The following APPBP2 variants were observed in gnomAD, a reference collection of about 807,000 sequenced individuals.
APPBP2 encodes amyloid beta precursor protein binding protein 2.
Under a neutral mutation model 76.0 loss-of-function variants are expected in APPBP2, and 15 were observed. The ratio of observed to expected loss-of-function variants is 0.20; its 90% confidence interval spans 0.13 to 0.30. The LOEUF (loss-of-function observed/expected upper bound fraction) is 0.30, where lower values mean the gene tolerates loss of function less well. APPBP2 is among the 10% of genes least tolerant of loss of function. The pLI is 1.00. For missense variants in APPBP2, 401 were observed against 687.2 expected (o/e 0.58, Z 4.66); for synonymous variants, 222 against 242.2 (o/e 0.92, Z 0.77).
At chr17:60,516,285 T>C (rs1437102057) in intron 1 of APPBP2, among the ~76,000 whole-genome samples, 1 of 152,154 alleles carries the variant, frequency 6.6e-6, no homozygotes, top group Non-Finnish European at 1.5e-5. Context: ...TTAGTTAATG[T>C]GGTTGTCTAA....
intron 1 of APPBP2, among the ~76,000 whole-genome samples, chr17:60,521,614 G>A (rs181992558): frequency 1.3e-3 from 196 of 151,892 alleles, no homozygotes; most frequent in Non-Finnish European, 2.3e-3. Flanking sequence ...ATGGGGTCTC[G>A]CTTTATTGCC....
chr17:60,459,063 G>A (rs981963358), intron 9 of APPBP2, among the ~76,000 whole-genome samples: 6 of 151,632 alleles, frequency 4.0e-5, no homozygotes, highest in African/African-American at 7.3e-5. Context: ...CAGCCACTGC[G>A]CCCAGCCAAA....
chr17:60,479,832 A>C (rs2090616396), intron 3 of APPBP2, among the ~76,000 whole-genome samples: 1 of 152,192 alleles, frequency 6.6e-6, no homozygotes, highest in Non-Finnish European at 1.5e-5. Flanking sequence ...CACCATGTAA[A>C]ACACTTCGTA....
chr17:60,526,239 G>A lies in APPBP2; in HGVS notation c.-308C>T, dbSNP rs1332352897. 1 of 305,398 alleles carries A rather than the reference G, an allele frequency of 3.3e-6. No individual in the cohort carries two copies. The highest frequency in any genetic ancestry group is 6.3e-6 in the Non-Finnish European group (1 of 159,838). 18.9% of individuals were successfully genotyped at this position (305,398 alleles called of 1,614,324 possible). A position where few individuals can be genotyped will look rare whatever the true frequency, so the allele number is the denominator to read the frequency against. ...GATCTCTGCAGGGGCGGGGCTGCGT[G>A]TGCGGCGTCATGACGTAAGCGCACG... On this transcript the variant is annotated 5_prime_UTR_variant, in exon 1 of 13. Transcript: ENST00000083182.
intron 9 of APPBP2, among the ~76,000 whole-genome samples, chr17:60,457,173 C>T (rs1002842702): frequency 1.8e-4 from 27 of 151,556 alleles, no homozygotes; most frequent in Non-Finnish European, 2.7e-4. Context: ...ACTCAGCCTA[C>T]TTTACTCTTC....
At chr17:60,494,646 A>T in intron 2 of APPBP2, 29 bp from the exon 3 acceptor site, 1 of 1,545,676 alleles carries the variant, frequency 6.5e-7, no homozygotes, top group Non-Finnish European at 8.7e-7. Flanking sequence ...ATTATTTTAT[A>T]GAGTTAATTT....
chr17:60,495,168 A>G (rs2090764209), intron 2 of APPBP2, among the ~76,000 whole-genome samples: 1 of 151,382 alleles, frequency 6.6e-6, no homozygotes, highest in African/African-American at 2.4e-5. Context: ...TTGTATTTTT[A>G]GTAGAGACAG....
At chr17:60,460,877 T>C (rs1186697053) in intron 8 of APPBP2, 90 bp from the exon 9 acceptor site, 3 of 1,278,784 alleles carry the variant, frequency 2.3e-6, no homozygotes, top group Non-Finnish European at 2.1e-6. Context: ...TATATCTATA[T>C]GCCTAACACC....
chr17:60,502,209 G>T (rs8082064), intron 1 of APPBP2, among the ~76,000 whole-genome samples: 12,516 of 152,174 alleles, frequency 0.082, 1,706 homozygotes, highest in African/African-American at 0.28. Context: ...TTACAGGCGT[G>T]AGCCACTGCG....
chr17:60,504,430 G>T (rs2090850226), intron 1 of APPBP2, among the ~76,000 whole-genome samples: 1 of 151,950 alleles, frequency 6.6e-6, no homozygotes, highest in African/African-American at 2.4e-5. Context: ...ACTGAGGAAA[G>T]AAAAAAATTA....
At chr17:60,524,348 C>T (rs1040583710) in intron 1 of APPBP2, among the ~76,000 whole-genome samples, 1 of 152,082 alleles carries the variant, frequency 6.6e-6, no homozygotes, top group Non-Finnish European at 1.5e-5. Context: ...GTTTCCCAGG[C>T]TGAGAAAGAC....
chr17:60,469,874 T>C (rs929379721), intron 4 of APPBP2, among the ~76,000 whole-genome samples: 2 of 152,246 alleles, frequency 1.3e-5, no homozygotes, highest in Non-Finnish European at 2.9e-5. Context: ...TTGCTTTCAA[T>C]GCTTTTAGGC....
At chr17:60,462,346 T>G (rs547525237) in intron 6 of APPBP2, 6 of 285,516 alleles carry the variant, frequency 2.1e-5, no homozygotes, top group African/African-American at 1.1e-4. Context: ...ATACCCCCAT[T>G]TTCCGCTATT....
chr17:60,469,967 AGCT>A (rs2090540075), intron 4 of APPBP2, among the ~76,000 whole-genome samples: 1 of 152,038 alleles, frequency 6.6e-6, no homozygotes, highest in Admixed American at 6.6e-5. Context: ...ACTCCACAGC[AGCT>A]GCACCATTTT....
intron 5 of APPBP2, chr17:60,464,800 C>T (rs373791003): frequency 6.6e-6 from 1 of 152,198 alleles, no homozygotes; most frequent in Non-Finnish European, 1.5e-5. Context: ...GTAATCCCAG[C>T]ACTTTGGGAG....
chr17:60,500,965 T>G (rs992687778), intron 1 of APPBP2, among the ~76,000 whole-genome samples: 2 of 152,180 alleles, frequency 1.3e-5, no homozygotes, highest in Non-Finnish European at 2.9e-5. Context: ...ATGGCAGGAT[T>G]TCTAATTATG....
At chr17:60,504,837 T>A (rs1390068419) in intron 1 of APPBP2, among the ~76,000 whole-genome samples, 1 of 152,138 alleles carries the variant, frequency 6.6e-6, no homozygotes, top group African/African-American at 2.4e-5. Flanking sequence ...ACCTATGTTC[T>A]AAGAAAAACT....
chr17:60,480,229 C>T (rs1397792528), intron 3 of APPBP2, among the ~76,000 whole-genome samples: 2 of 151,900 alleles, frequency 1.3e-5, no homozygotes, highest in East Asian at 1.9e-4. Flanking sequence ...AAAAGTAAGC[C>T]GGATGTGGTG....
Position 60,520,571 on chromosome 17 carries a change from A to T in APPBP2, c.138+5223T>A, listed in dbSNP as rs1267092458. ...CCAGGCAACAGAACAAGACTCTGTT[A>T]AAAAAAAAAAAAAAAAAAAATTAAG... On this transcript the variant is annotated intron_variant, in intron 1 of 12. Coordinates refer to ENST00000083182, the MANE Select transcript of APPBP2 (RefSeq NM_006380.5). 2.8e-5 allele frequency among the ~76,000 whole-genome samples: 3 copies of T among 107,946 alleles called. No homozygotes were observed. The South Asian group carries it at 8.8e-4, about 32-fold the overall frequency. 70.8% of individuals were successfully genotyped at this position (107,946 alleles called of 152,430 possible). A position where few individuals can be genotyped will look rare whatever the true frequency, so the allele number is the denominator to read the frequency against.
Sources: gnomAD v4.1 joint callset for allele counts (sites outside exome capture counted in the v4.1 genomes callset) on GRCh38, gnomAD v4.1.1 for gene constraint, MANE v1.5 for transcripts, NCBI Gene and HGNC (gene_info 2026-07-23, HGNC 2026-07-21) for gene names.